The following KCNMB4 variants were observed in gnomAD, a reference collection of about 807,000 sequenced individuals.
KCNMB4 encodes potassium calcium-activated channel subfamily M regulatory beta subunit 4.
A neutral mutation model predicts 20.7 loss-of-function variants in KCNMB4; 3 were observed. That is an observed-to-expected ratio of 0.14 (90% CI 0.07 to 0.37). The LOEUF (loss-of-function observed/expected upper bound fraction) is 0.37. Among genes scored for constraint, KCNMB4 ranks in the 10% least tolerant of loss-of-function variants. KCNMB4 has a pLI of 1.00. For synonymous variants in KCNMB4, 110 were observed against 113.4 expected (o/e 0.97, Z 0.19); for missense variants, 168 against 265.9 (o/e 0.63, Z 2.56).
At chr12:70,413,373 C>T (rs1868833631) in intron 2 of KCNMB4, among the ~76,000 whole-genome samples, 1 of 152,072 alleles carries the variant, frequency 6.6e-6, no homozygotes, top group Non-Finnish European at 1.5e-5. Flanking sequence ...AAACAAAGCC[C>T]TGAGGGAATT....
At chr12:70,386,676 G>C (rs1350650967) in intron 1 of KCNMB4, among the ~76,000 whole-genome samples, 2 of 150,938 alleles carry the variant, frequency 1.3e-5, no homozygotes, top group African/African-American at 4.9e-5. Flanking sequence ...CATAATTACA[G>C]TTTTTGAAAA....
chr12:70,429,111 C>A (rs185107762), intron 2 of KCNMB4, among the ~76,000 whole-genome samples: 20 of 152,264 alleles, frequency 1.3e-4, no homozygotes, highest in African/African-American at 4.1e-4. Context: ...AAATACCCAA[C>A]ACCCTTTGTC....
At chr12:70,404,647 A>C (rs994710056) in intron 2 of KCNMB4, among the ~76,000 whole-genome samples, 1 of 152,240 alleles carries the variant, frequency 6.6e-6, no homozygotes, top group Non-Finnish European at 1.5e-5. Flanking sequence ...AACAAGGATT[A>C]TAGCAGTAAG....
In KCNMB4 at chr12:70,366,767, G is replaced by A; in HGVS notation, c.33G>A (p.Thr11=). Residue 11 remains threonine, a synonymous_variant, in exon 1 of 3, where the codon ACG becomes ACA. Transcript: ENST00000258111. ...AGCTCCGGGTGGCTTACGAGTACAC[G>A]GAAGCCGAGGACAAGAGCATCCGGC... MAKLRVAYEY[T]EAEDKSIRLG... is the part of the protein sequence containing the mutation. 6.2e-7 allele frequency: 1 copy of A among 1,609,120 alleles called. No homozygotes were observed. Among genetic ancestry groups the A allele is most frequent in the African/African-American group, 1.3e-5 (1 of 74,986 alleles).
intron 2 of KCNMB4, among the ~76,000 whole-genome samples, chr12:70,402,995 C>CA (rs147967153): frequency 7.8e-4 from 118 of 152,254 alleles, no homozygotes; most frequent in African/African-American, 2.5e-3. Context: ...ACACCTAAAC[C>CA]AATCACAAGA....
intron 1 of KCNMB4, among the ~76,000 whole-genome samples, chr12:70,371,445 C>A (rs1301543961): frequency 6.6e-6 from 1 of 152,178 alleles, no homozygotes; most frequent in Non-Finnish European, 1.5e-5. Context: ...TGTGGCCTGC[C>A]TGGAATTGTT....
intron 1 of KCNMB4, among the ~76,000 whole-genome samples, chr12:70,383,743 G>A (rs1168808159): frequency 6.6e-6 from 1 of 152,074 alleles, no homozygotes; most frequent in Non-Finnish European, 1.5e-5. Flanking sequence ...CTCTGTATGT[G>A]TCTCCGTATC....
At chr12:70,400,127 A>G in intron 1 of KCNMB4, 82 bp from the exon 2 acceptor site, 1 of 1,079,406 alleles carries the variant, frequency 9.3e-7, no homozygotes, top group Non-Finnish European at 1.3e-6. Flanking sequence ...CTGTCTTTAT[A>G]ATGCCATCTT....
At chr12:70,412,988 C>G (rs1868822787) in intron 2 of KCNMB4, among the ~76,000 whole-genome samples, 1 of 152,156 alleles carries the variant, frequency 6.6e-6, no homozygotes. Flanking sequence ...AACAGTAAAT[C>G]TGGAATCTTA....
chr12:70,370,801 T>G (rs1202622923), intron 1 of KCNMB4, among the ~76,000 whole-genome samples: 2 of 150,220 alleles, frequency 1.3e-5, no homozygotes, highest in Admixed American at 1.3e-4. Flanking sequence ...TTTTTAAAAC[T>G]GCCCTCTTGT....
At chr12:70,414,827 T>C (rs1284013613) in intron 2 of KCNMB4, among the ~76,000 whole-genome samples, 1 of 152,246 alleles carries the variant, frequency 6.6e-6, no homozygotes, top group African/African-American at 2.4e-5. Context: ...AATTTATTCC[T>C]ATATGTGACT....
chr12:70,389,172 C>T (rs1232741298), intron 1 of KCNMB4, among the ~76,000 whole-genome samples: 1 of 152,060 alleles, frequency 6.6e-6, no homozygotes, highest in Non-Finnish European at 1.5e-5. Context: ...ATTGAGTGCT[C>T]AACTTACTTT....
chr12:70,370,000 T>G (rs1883562429), intron 1 of KCNMB4, among the ~76,000 whole-genome samples: 1 of 152,168 alleles, frequency 6.6e-6, no homozygotes, highest in Non-Finnish European at 1.5e-5. Flanking sequence ...TGCTAGGAGC[T>G]TTGGTTCTCA....
At chr12:70,374,125 T>C (rs535325592) in intron 1 of KCNMB4, among the ~76,000 whole-genome samples, 48 of 152,332 alleles carry the variant, frequency 3.2e-4, no homozygotes, top group South Asian at 3.1e-3. Context: ...CCAAAACTTA[T>C]GCATAAAAAA....
At chr12:70,378,074 T>C (rs1387516671) in intron 1 of KCNMB4, among the ~76,000 whole-genome samples, 1 of 151,958 alleles carries the variant, frequency 6.6e-6, no homozygotes, top group Non-Finnish European at 1.5e-5. Flanking sequence ...GTCAGCCTCC[T>C]GAGTAGCTGA....
In KCNMB4 at chr12:70,430,800, A is replaced by G; in HGVS notation, c.*147A>G. The G allele has an allele frequency of 1.5e-6, 1 of 678,442 alleles. No homozygotes were observed. Among genetic ancestry groups the G allele is most frequent in the Non-Finnish European group, 2.3e-6 (1 of 442,316 alleles). The allele number at this position is 678,442 out of a possible 1,614,324, so 42.0% of individuals were successfully genotyped here. A position where few individuals can be genotyped will look rare whatever the true frequency, so the allele number is the denominator to read the frequency against. ...CTCATCCCTCAGTGGCAACAGAAAC[A>G]GGCACAACTGGAAGACTTGGAACCT... On this transcript the variant is annotated 3_prime_UTR_variant, in exon 3 of 3. Coordinates refer to ENST00000258111, the MANE Select transcript of KCNMB4 (RefSeq NM_014505.6).
intron 1 of KCNMB4, among the ~76,000 whole-genome samples, chr12:70,372,150 G>C (rs1007379265): frequency 7.2e-5 from 11 of 152,196 alleles, no homozygotes; most frequent in African/African-American, 2.4e-4. Context: ...TGTGACAAGT[G>C]TCTGTGTGAG....
At chr12:70,401,531 A>G (rs538195938) in intron 2 of KCNMB4, among the ~76,000 whole-genome samples, 1 of 152,318 alleles carries the variant, frequency 6.6e-6, no homozygotes, top group South Asian at 2.1e-4. Context: ...GTTACTCTGC[A>G]TAGTTTTCAG....
chr12:70,390,922 AT>A lies in KCNMB4; in HGVS notation c.337-9285del, dbSNP rs1868293855. On this transcript the variant is annotated intron_variant, in intron 1 of 2. Transcript: ENST00000258111. ...TAGCGTAGAGCCAGTGTTCAATACT[AT>A]TCTGAATATCTGCCCTTTCTGCTCT... Among the ~76,000 whole-genome samples the A allele has an allele frequency of 2.6e-5, 4 of 152,292 alleles. No individual in the cohort carries two copies. In the Middle Eastern group the frequency reaches 0.01, roughly 389 times the overall value.
Sources: allele counts gnomAD v4.1 joint callset (sites outside exome capture counted in the v4.1 genomes callset), GRCh38; gene constraint gnomAD v4.1.1; transcripts MANE v1.5; gene names NCBI Gene and HGNC (gene_info 2026-07-23, HGNC 2026-07-21).